Variants in LRRC1 observed in about 807,000 individuals in gnomAD.
LRRC1 encodes the protein leucine-rich repeat-containing protein 1.
Under a neutral mutation model 69.9 loss-of-function variants are expected in LRRC1, and 28 were observed. That is an observed-to-expected ratio of 0.40 (90% CI 0.30 to 0.55). The LOEUF (loss-of-function observed/expected upper bound fraction) is 0.55, where lower values mean the gene tolerates loss of function less well. Ranked by LOEUF, LRRC1 falls within the 20% of genes least tolerant of loss-of-function variation. The pLI, the probability that LRRC1 is intolerant of heterozygous loss-of-function variation, is 0.47. For synonymous variants in LRRC1, 236 were observed against 240.2 expected (o/e 0.98, Z 0.16); for missense variants, 498 against 609.0 (o/e 0.82, Z 1.92).
In LRRC1 at chr6:53,883,898, G is replaced by C. The variant is rs1001871353; in HGVS notation, c.446+922G>C. The stretch of plus-strand genomic sequence containing the variant: ...TTTTGCAAAAGTTCTCTTTCCAGAG[G>C]TTTATAAGAATATTTGCAGACAGCT... On this transcript the variant is annotated intron_variant, in intron 4 of 13. Transcript: ENST00000370888. The C allele has an allele frequency of 4.2e-6, 3 of 717,378 alleles. No individual in the cohort carries two copies. The African/African-American group carries it at 5.2e-5, about 13-fold the overall frequency. 44.4% of individuals were successfully genotyped at this position (717,378 alleles called of 1,614,324 possible).
rs372369456 is a variant in LRRC1 at position 53,795,402 on chromosome 6, G to T, written c.146G>T (p.Arg49Leu). 17 of 1,612,150 alleles carry T rather than the reference G, an allele frequency of 1.1e-5. No individual in the cohort carries two copies. In the African/African-American group the frequency reaches 1.7e-4, roughly 16 times the overall value. The change falls in exon 1 of 14, where the codon CGC becomes CTC. Residue 49 changes from arginine (R) to leucine (L), a missense_variant. This residue lies in a region of LRRC1 where 266 missense variants were observed against 383.9 expected (regional missense o/e 0.69). Coordinates refer to ENST00000370888, the MANE Select transcript of LRRC1 (RefSeq NM_018214.5). ...EELLLDANQL[R>L]ELPEQFFQLV... ...CTGCTGCTGGACGCCAACCAGCTCC[G>T]CGAGCTGCCCGAGGTAAGGGTCCGG...
At chr6:53,896,250 G>A (rs1767868401) in intron 4 of LRRC1, among the ~76,000 whole-genome samples, 1 of 152,198 alleles carries the variant, frequency 6.6e-6, no homozygotes. Flanking sequence ...GAATGAAGGT[G>A]CTTTGTAGTC....
At chr6:53,899,928 C>T (rs748872726) in intron 8 of LRRC1, 37 bp downstream of exon 8, 15 of 1,588,584 alleles carry the variant, frequency 9.4e-6, no homozygotes, top group Non-Finnish European at 1.3e-5. Context: ...AAACATACTG[C>T]CTGCCGTCGT....
intron 13 of LRRC1, 96 bp from the exon 14 acceptor site, chr6:53,922,539 T>C (rs1298946253): frequency 1.4e-5 from 16 of 1,119,478 alleles, no homozygotes; most frequent in Middle Eastern, 2.1e-4. Flanking sequence ...TCTAAGAAGG[T>C]AACATTTGTA....
In LRRC1 at chr6:53,920,707, A is replaced by T. The variant is rs748776132; in HGVS notation, c.1362A>T (p.Arg454Ser). Residue 454 changes from arginine to serine, a missense_variant, in exon 13 of 14, where the codon AGA becomes AGT. By Grantham distance (110) the Arg-to-Ser change is moderately radical (BLOSUM62 -1). Coordinates refer to ENST00000370888, the MANE Select transcript of LRRC1 (RefSeq NM_018214.5). ...DEAWNERAVN[R>S]VSAIRFVEDE... is the part of the protein sequence containing the mutation. ...CCTGGAACGAGCGTGCTGTCAACAG[A>T]GTCAGTGCGATCCGATTTGTGGAGG... 6.2e-7 allele frequency: 1 copy of T among 1,614,186 alleles called. No homozygotes were observed. The highest frequency in any genetic ancestry group is 8.5e-7 in the Non-Finnish European group (1 of 1,180,020).
chr6:53,796,326 G>A (rs921594665), intron 1 of LRRC1, among the ~76,000 whole-genome samples: 1 of 152,200 alleles, frequency 6.6e-6, no homozygotes, highest in African/African-American at 2.4e-5. Flanking sequence ...TTTCAAGCTT[G>A]CCTCGGGAAC....
At chr6:53,907,193 C>A (rs979119012) in intron 10 of LRRC1, among the ~76,000 whole-genome samples, 4 of 152,158 alleles carry the variant, frequency 2.6e-5, no homozygotes, top group Non-Finnish European at 5.9e-5. Flanking sequence ...TGATTGGATT[C>A]TTCCAAAAAT....
intron 10 of LRRC1, among the ~76,000 whole-genome samples, chr6:53,908,368 T>C (rs2127439717): frequency 6.6e-6 from 1 of 152,310 alleles, no homozygotes; most frequent in East Asian, 1.9e-4. Context: ...AGGCAACCTG[T>C]AAATATTAAT....
chr6:53,908,229 A>T (rs903633465), intron 10 of LRRC1, among the ~76,000 whole-genome samples: 1 of 152,188 alleles, frequency 6.6e-6, no homozygotes, highest in African/African-American at 2.4e-5. Context: ...CTTATATCCA[A>T]GTTTAGGGTC....
At chr6:53,821,916 C>CA (rs1765128218) in intron 1 of LRRC1, among the ~76,000 whole-genome samples, 1 of 131,282 alleles carries the variant, frequency 7.6e-6, no homozygotes, top group Non-Finnish European at 1.7e-5. Context: ...TTGTTTTTCT[C>CA]TTTTTTTTTT....
chr6:53,805,409 G>A (rs1764610170), intron 1 of LRRC1, among the ~76,000 whole-genome samples: 1 of 152,146 alleles, frequency 6.6e-6, no homozygotes, highest in Non-Finnish European at 1.5e-5. Flanking sequence ...AGGGTGGTGT[G>A]CAGGATGTTT....
chr6:53,877,471 ATGT>A (rs944088383), intron 2 of LRRC1, among the ~76,000 whole-genome samples: 6 of 151,930 alleles, frequency 3.9e-5, no homozygotes, highest in Admixed American at 3.9e-4. Flanking sequence ...TTTTTCTATC[ATGT>A]TGTCAGCCTG....
intron 1 of LRRC1, among the ~76,000 whole-genome samples, chr6:53,799,847 G>A (rs1339553261): frequency 6.6e-6 from 1 of 152,156 alleles, no homozygotes; most frequent in Non-Finnish European, 1.5e-5. Context: ...ACTTACCTCT[G>A]ATCCTTCCTT....
chr6:53,815,405 C>T (rs528480102), intron 1 of LRRC1, among the ~76,000 whole-genome samples: 1 of 152,220 alleles, frequency 6.6e-6, no homozygotes, highest in East Asian at 1.9e-4. Flanking sequence ...ATGAGTTTTC[C>T]TTGGGCCTCC....
intron 4 of LRRC1, among the ~76,000 whole-genome samples, chr6:53,892,105 T>A (rs1289445642): frequency 2.6e-5 from 4 of 151,190 alleles, no homozygotes; most frequent in African/African-American, 9.7e-5. Context: ...TTTGCAAAAT[T>A]GACTTACCAA....
At chr6:53,889,014 A>G (rs1023832336) in intron 4 of LRRC1, among the ~76,000 whole-genome samples, 1 of 152,214 alleles carries the variant, frequency 6.6e-6, no homozygotes, top group Non-Finnish European at 1.5e-5. Flanking sequence ...CTCTGTAATA[A>G]AAGAACCAAC....
At chr6:53,906,497 C>T (rs530815533) in intron 10 of LRRC1, among the ~76,000 whole-genome samples, 1 of 152,354 alleles carries the variant, frequency 6.6e-6, no homozygotes, top group East Asian at 1.9e-4. Context: ...CCCTGATCCC[C>T]TGACTCTCTT....
At position 53,919,607 on chromosome 6, in the gene LRRC1, A is replaced by G. The variant is rs1411845696; in HGVS notation, c.1216A>G (p.Thr406Ala). 3 of 1,613,904 alleles carry G rather than the reference A, an allele frequency of 1.9e-6. 1 individual carries two copies. The highest frequency in any genetic ancestry group is 2.2e-5 in the South Asian group (2 of 91,054). ...LTFQTDTDYT[T>A]GEKILTCVLL... ...ATTCCAGACAGACACAGACTACACC[A>G]CAGGAGAGAAGATTTTAACCTGTGT... The change falls in exon 12 of 14, where the codon ACA (threonine) becomes GCA (alanine). Residue 406 changes from threonine to alanine, a missense_variant. By Grantham distance (58) the Thr-to-Ala change is moderately conservative. Around this residue, in one of 3 missense-constraint regions of LRRC1, gnomAD observed 162 missense variants for 162.9 expected, o/e 0.99. Coordinates refer to ENST00000370888, the MANE Select transcript of LRRC1 (RefSeq NM_018214.5).
intron 2 of LRRC1, among the ~76,000 whole-genome samples, chr6:53,864,491 C>A (rs1766632399): frequency 6.6e-6 from 1 of 152,172 alleles, no homozygotes; most frequent in South Asian, 2.1e-4. Context: ...ACTTTGCAGT[C>A]TTCCTCGGCC....
Sources: allele counts gnomAD v4.1 joint callset (sites outside exome capture counted in the v4.1 genomes callset), GRCh38; gene constraint gnomAD v4.1.1; regional missense constraint gnomAD v4.1.1; transcripts MANE v1.5; gene names NCBI Gene and HGNC (gene_info 2026-07-23, HGNC 2026-07-21).